The following SYNE1 variants were observed in gnomAD, a reference collection of about 807,000 sequenced individuals.
SYNE1 encodes the protein spectrin repeat containing nuclear envelope protein 1.
In SYNE1, 616 loss-of-function variants were observed where a neutral mutation model predicts 1,111.0. The observed-to-expected ratio is 0.55, with a 90% CI of 0.52 to 0.59. SYNE1 has a LOEUF of 0.59. Among genes scored for constraint, SYNE1 ranks in the 20% least tolerant of loss-of-function variants. SYNE1 has a pLI of 0.00. For missense variants in SYNE1, 10,006 were observed against 10,417.0 expected (o/e 0.96, Z 1.72); for synonymous variants, 3,855 against 3,825.8 (o/e 1.01, Z -0.28).
chr6:152,387,628 G>A (rs1269834819), intron 53 of SYNE1, among the ~76,000 whole-genome samples: 1 of 152,126 alleles, frequency 6.6e-6, no homozygotes, highest in Non-Finnish European at 1.5e-5. Flanking sequence ...ACATGCATCT[G>A]GAATTTGTCT....
intron 130 of SYNE1, chr6:152,167,884 T>C (rs912001633): frequency 1.4e-5 from 10 of 731,164 alleles, no homozygotes; most frequent in Middle Eastern, 4.8e-4. Context: ...AGAGTCATAA[T>C]AAAGTCCATT....
intron 58 of SYNE1, 66 bp from the exon 59 acceptor site, chr6:152,373,285 C>CTTT: frequency 1.0e-5 from 12 of 1,159,298 alleles, no homozygotes; most frequent in Non-Finnish European, 1.3e-5. Context: ...TTTTTCTTTT[C>CTTT]TTTTTTTTTT....
chr6:152,605,035 A>G (rs1023348777), intron 3 of SYNE1, among the ~76,000 whole-genome samples: 117 of 28,050 alleles, frequency 4.2e-3, no homozygotes, highest in East Asian at 9.9e-3. Flanking sequence ...AGAGAGAGAG[A>G]GGGAGGGAGG....
At chr6:152,321,142 C>T (rs879917385) in intron 84 of SYNE1, 96 bp downstream of exon 84, 2 of 1,425,502 alleles carry the variant, frequency 1.4e-6, no homozygotes, top group Admixed American at 4.0e-5. Flanking sequence ...ACTCTGTCTC[C>T]AAGAAGACAT....
intron 11 of SYNE1, among the ~76,000 whole-genome samples, chr6:152,497,837 C>T (rs917084752): frequency 3.3e-5 from 5 of 152,186 alleles, no homozygotes; most frequent in Admixed American, 6.5e-5. Flanking sequence ...CTTTCACACA[C>T]ATTCAGAAGA....
chr6:152,373,677 C>T (rs1028115119), intron 58 of SYNE1, among the ~76,000 whole-genome samples: 1 of 151,672 alleles, frequency 6.6e-6, no homozygotes, highest in Admixed American at 6.6e-5. Context: ...AAGTTGCAAA[C>T]TACTTTATTT....
At chr6:152,201,335 C>A (rs2075378905) in intron 127 of SYNE1, among the ~76,000 whole-genome samples, 1 of 151,932 alleles carries the variant, frequency 6.6e-6, no homozygotes, top group Non-Finnish European at 1.5e-5. Flanking sequence ...ACTTAGAGCC[C>A]TGAGCAATTT....
rs139798419 is a variant in SYNE1, at chr6:152,435,953, G to T, written c.4298C>A (p.Thr1433Lys). Residue 1433 changes from threonine to lysine, a missense_variant, in exon 33 of 146, where the codon ACG becomes AAG. By Grantham distance (78) the Thr-to-Lys change is moderately conservative. This residue lies in a region of SYNE1 where 1,971 missense variants were observed against 2,084.1 expected (regional missense o/e 0.95). Transcript: ENST00000367255. ...IKEQVKKLED[T>K]LEEDIKTMEM... ...GTCAATCACATACTCTTCTTCAAGC[G>T]TGTCTTCTAATTTTTTGACTTGTTC... 4 of 1,613,954 alleles carry T rather than the reference G, an allele frequency of 2.5e-6. No individual in the cohort carries two copies. The Admixed American group carries it at 5.0e-5, about 20-fold the overall frequency.
rs1464102823 is a variant in SYNE1, at chr6:152,293,574, A to T, written c.18012+14T>A. On this transcript the variant is annotated intron_variant, in intron 95 of 145. Transcript: ENST00000367255. ...TTCAATCAAGTAGGAAACTGAAGTC[A>T]TGGCTATTTGTACCTGATGTTCAGC... 1 of 1,613,876 alleles carries T rather than the reference A, an allele frequency of 6.2e-7. No homozygotes were observed. The highest frequency in any genetic ancestry group is 1.1e-5 in the South Asian group (1 of 91,072).
At chr6:152,625,918 T>C (rs1362069558) in intron 3 of SYNE1, among the ~76,000 whole-genome samples, 2 of 152,132 alleles carry the variant, frequency 1.3e-5, no homozygotes, top group Non-Finnish European at 2.9e-5. Context: ...TTCACAACAG[T>C]TCTGAGAGGG....
chr6:152,592,824 A>G (rs1279505700), intron 3 of SYNE1, among the ~76,000 whole-genome samples: 19 of 152,196 alleles, frequency 1.2e-4, no homozygotes, highest in Non-Finnish European at 1.5e-5. Context: ...CCATCATATC[A>G]CACCTTATAT....
At chr6:152,302,478 C>T (rs866598172) in intron 91 of SYNE1, among the ~76,000 whole-genome samples, 1 of 152,162 alleles carries the variant, frequency 6.6e-6, no homozygotes, top group South Asian at 2.1e-4. Context: ...TAAAACCACA[C>T]CAAAAAAAAT....
intron 10 of SYNE1, among the ~76,000 whole-genome samples, chr6:152,500,022 T>C (rs1311332711): frequency 1.3e-5 from 2 of 152,216 alleles, no homozygotes; most frequent in Non-Finnish European, 2.9e-5. Flanking sequence ...GCATCTCCTT[T>C]TGTTTTTTTA....
At chr6:152,427,845 T>A (rs780734553) in intron 37 of SYNE1, 29 bp from the exon 38 acceptor site, 1 of 1,613,664 alleles carries the variant, frequency 6.2e-7, no homozygotes, top group South Asian at 1.1e-5. Context: ...AGAAACAAAT[T>A]TATTGAAAAT....
rs1410372210 is a variant in SYNE1, at chr6:152,164,184, C to T, written c.23769G>A (p.Gln7923=). ...TTACCTGCTGCTCATTAAGCTTTCTCTGTATTTCTTCCGAGTTACAGGAAT... is the reference window on the plus strand; with the variant it reads ...TTACCTGCTGCTCATTAAGCTTTCTTTGTATTTCTTCCGAGTTACAGGAAT... ...VYDSCNSEEI[Q]RKLNEQQELQ... The change falls in exon 131 of 146, where the codon CAG becomes CAA. Residue 7923 remains glutamine, a synonymous_variant. Transcript: ENST00000367255. The T allele has an allele frequency of 3.1e-6, 5 of 1,614,176 alleles. No homozygotes were observed. Among genetic ancestry groups the T allele is most frequent in the South Asian group, 1.1e-5 (1 of 91,068 alleles).
rs555745000 is a variant in SYNE1 at position 152,335,588 on chromosome 6, G to A, written c.12528+1253C>T. 3.3e-5 allele frequency: 5 copies of A among 152,118 alleles called. No homozygotes were observed. In the East Asian group the frequency reaches 9.6e-4, roughly 29 times the overall value. 9.4% of individuals were successfully genotyped at this position (152,118 alleles called of 1,614,324 possible). ...TGTACTTGCAAACAGCACTCCAGTA[G>A]ACAATATATTATTATTGACTCATAA... is the stretch of plus-strand genomic sequence containing the variant. On this transcript the variant is annotated intron_variant, in intron 76 of 145. Transcript: ENST00000367255.
At position 152,289,678 on chromosome 6, in the gene SYNE1, G is replaced by C. The variant is rs778853204; in HGVS notation, c.18012+3910C>G. ...GTCTCGCTCTGTCGCTCAGGCTGGAGTGCGGTGGCGCAATCTCGGTTCACT... is the reference window on the plus strand; with the variant it reads ...GTCTCGCTCTGTCGCTCAGGCTGGACTGCGGTGGCGCAATCTCGGTTCACT... On this transcript the variant is annotated intron_variant, in intron 95 of 145. Coordinates refer to ENST00000367255, the MANE Select transcript of SYNE1 (RefSeq NM_182961.4). Among the ~76,000 whole-genome samples the C allele has an allele frequency of 4.7e-4, 72 of 152,216 alleles. No individual in the cohort carries two copies. The Middle Eastern group carries it at 0.014, about 29-fold the overall frequency.
intron 140 of SYNE1, among the ~76,000 whole-genome samples, chr6:152,137,771 A>G (rs2152762542): frequency 6.6e-6 from 1 of 152,358 alleles, no homozygotes; most frequent in Middle Eastern, 3.4e-3. Flanking sequence ...TTCTTAACAT[A>G]CTGTAGAATA....
chr6:152,349,140 G>C (rs3860812), intron 72 of SYNE1, among the ~76,000 whole-genome samples: 89,966 of 152,140 alleles, frequency 0.59, 26,682 homozygotes, highest in East Asian at 0.65. Flanking sequence ...CTGACCACAT[G>C]ATGAGTAAAC....
Sources: gnomAD v4.1 joint callset for allele counts (sites outside exome capture counted in the v4.1 genomes callset) on GRCh38, gnomAD v4.1.1 for gene constraint, gnomAD v4.1.1 regional missense constraint, MANE v1.5 for transcripts, NCBI Gene and HGNC (gene_info 2026-07-23, HGNC 2026-07-21) for gene names.